Variants in ZNF324B observed in about 807,000 individuals in gnomAD.
ZNF324B encodes the protein zinc finger protein 324B.
Under a neutral mutation model 10.6 loss-of-function variants are expected in ZNF324B, and 7 were observed. The observed-to-expected ratio is 0.66, with a 90% CI of 0.38 to 1.24. The LOEUF (loss-of-function observed/expected upper bound fraction) is 1.24, where lower values mean the gene tolerates loss of function less well. ZNF324B is among the 50% of genes most tolerant of loss of function. ZNF324B has a pLI of 0.02. For synonymous variants in ZNF324B, 316 were observed against 321.0 expected, an observed-to-expected ratio of 0.98 and a Z score of 0.17; for missense variants, 640 against 764.7, an observed-to-expected ratio of 0.84 and a Z score of 1.92.
At chr19:58,437,232 C>G in the ZNF324B span, 1 of 1,571,600 alleles carries the variant, frequency 6.4e-7, no homozygotes, top group Non-Finnish European at 8.6e-7. Context: ...AAGAAACAAA[C>G]AATTGGTCAA....
chr19:58,447,599 T>C (rs2122328399), upstream of ZNF324B, among the ~76,000 whole-genome samples: 1 of 152,304 alleles, frequency 6.6e-6, no homozygotes, highest in East Asian at 1.9e-4. Context: ...TTGGACATGA[T>C]GGGTCATGAC....
At chr19:58,420,055 G>A in the ZNF324B span, among the ~76,000 whole-genome samples, 7 of 152,152 alleles carry the variant, frequency 4.6e-5, no homozygotes, top group Admixed American at 2.6e-4. Context: ...GCCAAGGTGG[G>A]CAGATCACTT....
rs1345494516 is a variant in ZNF324B, at chr19:58,455,566, G to A, written c.622G>A (p.Gly208Arg). ...ACAGGAGGTCCCTGGGAGAGCCTTC[G>A]GGAATGCCTCGGACCTGAAGGCCGC... is the stretch of plus-strand genomic sequence containing the variant. ...CAQEVPGRAFGNASDLKAASG... is the reference protein window; with the variant it reads ...CAQEVPGRAFRNASDLKAASG... Residue 208 changes from glycine to arginine, a missense_variant, in exon 4 of 4, where the codon GGG becomes AGG. Gly to Arg is a moderately radical substitution (Grantham distance 125). Transcript: ENST00000336614. The surrounding 1 kb of genome is among the most constrained non-coding windows in gnomAD (Gnocchi z 7.0). 3 of 1,614,116 alleles carry A rather than the reference G, an allele frequency of 1.9e-6. No homozygotes were observed. Among genetic ancestry groups the A allele is most frequent in the South Asian group, 1.1e-5 (1 of 91,078 alleles).
upstream of ZNF324B, among the ~76,000 whole-genome samples, chr19:58,446,715 T>G (rs906306222): frequency 9.9e-5 from 15 of 150,948 alleles, no homozygotes; most frequent in South Asian, 6.3e-4. Context: ...TAGCTGGAAT[T>G]ACAGCCACAC....
the ZNF324B span, chr19:58,440,511 G>A: frequency 1.2e-4 from 18 of 152,670 alleles, no homozygotes; most frequent in African/African-American, 4.1e-4. Context: ...TGCTTCTGAA[G>A]GGACCGCGTT....
chr19:58,456,162 C>T lies in ZNF324B; in HGVS notation c.1218C>T (p.Phe406=). ...TATGCGCGCTCTGCGGTGCTGCCTT[C>T]AGCCAGGGCTCCTCGCTCTTTTTGC... ...PFVCALCGAA[F]SQGSSLFLHQ... The change falls in exon 4 of 4, where the codon TTC becomes TTT. Residue 406 remains phenylalanine, a synonymous_variant. Coordinates refer to ENST00000336614, the MANE Select transcript of ZNF324B (RefSeq NM_207395.3). The surrounding 1 kb of genome is among the most constrained non-coding windows in gnomAD (Gnocchi z 4.7). 6.2e-7 allele frequency: 1 copy of T among 1,613,402 alleles called. No homozygotes were observed. Among genetic ancestry groups the T allele is most frequent in the Non-Finnish European group, 8.5e-7 (1 of 1,179,776 alleles).
chr19:58,456,057 C>A lies in ZNF324B; in HGVS notation c.1113C>A (p.Cys371Ter). The A allele has an allele frequency of 1.2e-6, 2 of 1,610,722 alleles. No homozygotes were observed. Among genetic ancestry groups the A allele is most frequent in the Non-Finnish European group, 1.7e-6 (2 of 1,179,702 alleles). ...ACGCGGGTGGGCGTCCTTATGCTTG[C>A]GCACAGTGTGGCCGCCGCTTCTGCC... is the stretch of plus-strand genomic sequence containing the variant. ...KIHAGGRPYA[C>*]AQCGRRFCRN... Residue 371 changes from cysteine to a stop codon, truncating the protein, a stop_gained, in exon 4 of 4, where the codon TGC becomes TGA. Transcript: ENST00000336614. LOFTEE classifies it low-confidence loss of function (END_TRUNC). This position sits in a 1 kb window ranked among gnomAD's most constrained non-coding sequence, Gnocchi z 4.7.
chr19:58,420,378 C>T, the ZNF324B span, among the ~76,000 whole-genome samples: 1 of 151,396 alleles, frequency 6.6e-6, no homozygotes, highest in Non-Finnish European at 1.5e-5. Flanking sequence ...AAGATCTCAC[C>T]ACTATTCTCC....
Position 58,453,831 on chromosome 19 carries a change from CT to C in ZNF324B, c.121+10del. 3 of 1,611,206 alleles carry C rather than the reference CT, an allele frequency of 1.9e-6. No individual in the cohort carries two copies. Among genetic ancestry groups the C allele is most frequent in the Non-Finnish European group, 2.5e-6 (3 of 1,178,222 alleles). The stretch of plus-strand genomic sequence containing the variant: ...ACTTGTGACCTCACTTGGTAAGGCC[CT>C]GGGTGCTCCATGAAAAGTGCACTTG... On this transcript the variant is annotated intron_variant, in intron 2 of 3. Transcript: ENST00000336614.
upstream of ZNF324B, among the ~76,000 whole-genome samples, chr19:58,449,393 G>A (rs2052840717): frequency 1.3e-5 from 2 of 152,220 alleles, no homozygotes; most frequent in African/African-American, 2.4e-5. Context: ...TCCCCACTGG[G>A]GTACTGCCTA....
At chr19:58,449,505 C>A (rs984312619), upstream of ZNF324B, among the ~76,000 whole-genome samples, 1 of 152,234 alleles carries the variant, frequency 6.6e-6, no homozygotes, top group Non-Finnish European at 1.5e-5. Flanking sequence ...ACACTCAACA[C>A]CAGCCCATGA....
chr19:58,419,227 C>T, the ZNF324B span: 1 of 152,092 alleles, frequency 6.6e-6, no homozygotes, highest in Non-Finnish European at 1.5e-5. Flanking sequence ...AGTTGGGTTC[C>T]TTGTTCCCAG....
the ZNF324B span, chr19:58,442,163 T>C: frequency 1.1e-5 from 1 of 94,530 alleles, no homozygotes; most frequent in Non-Finnish European, 2.0e-5. Flanking sequence ...TTACAGTTCT[T>C]TTTTTTTTTT....
the ZNF324B span, among the ~76,000 whole-genome samples, chr19:58,427,291 T>TTTTCTTTTCTTTCTTTCTTTC: frequency 1.7e-5 from 1 of 58,310 alleles, no homozygotes; most frequent in African/African-American, 5.8e-5. Flanking sequence ...TGCCTGGCTT[T>TTTTCTTTTCTTTCTTTCTTTC]TTTCTTTCTT....
intron 1 of ZNF324B, 89 bp from the exon 2 acceptor site, chr19:58,453,607 G>T: frequency 4.5e-6 from 7 of 1,561,738 alleles, no homozygotes; most frequent in Non-Finnish European, 6.2e-6. Flanking sequence ...GAGGGACACT[G>T]GGGGAGGTGA....
chr19:58,430,421 A>G, the ZNF324B span: 3 of 152,238 alleles, frequency 2.0e-5, no homozygotes, highest in Non-Finnish European at 4.4e-5. Flanking sequence ...ATAGGTAACT[A>G]ATACAGATGG....
chr19:58,433,735 G>A, the ZNF324B span: 64 of 1,613,964 alleles, frequency 4.0e-5, no homozygotes, highest in Non-Finnish European at 5.0e-5. Flanking sequence ...GCACTCATAA[G>A]GCCTTTCTTT....
chr19:58,456,513 G>A lies in ZNF324B; in HGVS notation c.1569G>A (p.Gln523=). 6.2e-7 allele frequency: 1 copy of A among 1,614,240 alleles called. No homozygotes were observed. Among genetic ancestry groups the A allele is most frequent in the Non-Finnish European group, 8.5e-7 (1 of 1,180,040 alleles). The change falls in exon 4 of 4, where the codon CAG becomes CAA. Residue 523 remains glutamine (Q), a synonymous_variant. Transcript: ENST00000336614. This position sits in a 1 kb window ranked among gnomAD's most constrained non-coding sequence, Gnocchi z 4.7. ...GCACCCCGGGGCCAGGTTTCCTTCA[G>A]GGACATCATCGGAAGGTGCGCCGGG... The part of the protein sequence containing the change: ...PDCTPGPGFL[Q]GHHRKVRRGG...
chr19:58,427,399 TTTCTTTCC>T, the ZNF324B span, among the ~76,000 whole-genome samples: 2 of 52,022 alleles, frequency 3.8e-5, no homozygotes, highest in East Asian at 1.2e-3. Context: ...TCTTTCTTTC[TTTCTTTCC>T]TTCCTTCCTT....
Sources: gnomAD v4.1 joint callset for allele counts (sites outside exome capture counted in the v4.1 genomes callset) on GRCh38, gnomAD v4.1.1 for gene constraint, Gnocchi (gnomAD v3.1) non-coding constraint, MANE v1.5 for transcripts, NCBI Gene and HGNC (gene_info 2026-07-23, HGNC 2026-07-21) for gene names.